MTCL2: variants seen among roughly 807,000 people sequenced by gnomAD.
The protein encoded by MTCL2 is microtubule cross-linking factor 2.
chr20:36,817,487 T>TAAA, the MTCL2 span: 1,021 of 1,331,122 alleles, frequency 7.7e-4, 2 homozygotes, highest in African/African-American at 0.015. Flanking sequence ...GAGATTTAAT[T>TAAA]AAAAAAAAAA....
the MTCL2 span, chr20:36,783,694 C>T: frequency 1.1e-6 from 1 of 903,800 alleles, no homozygotes; most frequent in African/African-American, 1.8e-5. Context: ...AGGGAATCCC[C>T]ACTGTGGGTC....
the MTCL2 span, among the ~76,000 whole-genome samples, chr20:36,820,943 T>G: frequency 1.3e-5 from 2 of 152,196 alleles, no homozygotes; most frequent in African/African-American, 4.8e-5. Flanking sequence ...TGGGTCAGGC[T>G]GAGGAGTAGA....
chr20:36,818,842 G>T, the MTCL2 span, among the ~76,000 whole-genome samples: 1 of 152,166 alleles, frequency 6.6e-6, no homozygotes, highest in African/African-American at 2.4e-5. Context: ...AGCATTAAAA[G>T]GCCAGCAGAC....
chr20:36,847,997 T>A, the MTCL2 span, among the ~76,000 whole-genome samples: 1 of 151,312 alleles, frequency 6.6e-6, no homozygotes, highest in African/African-American at 2.4e-5. Flanking sequence ...AAATAAAAAA[T>A]TTTAAAAACT....
the MTCL2 span, chr20:36,794,455 T>C: frequency 6.2e-7 from 1 of 1,614,060 alleles, no homozygotes; most frequent in Non-Finnish European, 8.5e-7. The surrounding 1 kb of genome is among the most constrained non-coding windows in gnomAD (Gnocchi z 5.4). Context: ...CCTTGGTGTC[T>C]TTCTCTGGAT....
At chr20:36,836,650 AATTT>A in the MTCL2 span, among the ~76,000 whole-genome samples, 35 of 151,972 alleles carry the variant, frequency 2.3e-4, no homozygotes, top group Non-Finnish European at 4.4e-4. Context: ...AGCCTCTGCT[AATTT>A]TTTTTATTTT....
chr20:36,860,896 C>G, the MTCL2 span, among the ~76,000 whole-genome samples: 2 of 152,090 alleles, frequency 1.3e-5, no homozygotes, highest in African/African-American at 4.8e-5. Context: ...CAGCTGGACC[C>G]CGGCCCCTGT....
At chr20:36,828,075 C>T in the MTCL2 span, among the ~76,000 whole-genome samples, 1 of 152,194 alleles carries the variant, frequency 6.6e-6, no homozygotes, top group Non-Finnish European at 1.5e-5. Flanking sequence ...GCAGGCTCGC[C>T]CTCGGGGGAG....
At chr20:36,819,372 C>T in the MTCL2 span, among the ~76,000 whole-genome samples, 3 of 152,138 alleles carry the variant, frequency 2.0e-5, no homozygotes, top group African/African-American at 7.2e-5. Context: ...CTCTCACACC[C>T]CATCCCTGAA....
the MTCL2 span, among the ~76,000 whole-genome samples, chr20:36,805,611 C>G: frequency 1.3e-5 from 2 of 152,204 alleles, no homozygotes; most frequent in Non-Finnish European, 2.9e-5. Context: ...TCCTTCAAAA[C>G]CCATCATCCA....
the MTCL2 span, chr20:36,812,812 C>G: frequency 6.2e-7 from 1 of 1,613,176 alleles, no homozygotes. Flanking sequence ...GGATCCTGGG[C>G]TCCCATTCCG....
At chr20:36,805,124 C>CT in the MTCL2 span, among the ~76,000 whole-genome samples, 1 of 152,180 alleles carries the variant, frequency 6.6e-6, no homozygotes, top group African/African-American at 2.4e-5. Flanking sequence ...CAAGAAAAAA[C>CT]CCTGCAGTTA....
chr20:36,827,007 A>G, the MTCL2 span, among the ~76,000 whole-genome samples: 2 of 150,036 alleles, frequency 1.3e-5, no homozygotes, highest in Non-Finnish European at 2.9e-5. Context: ...TAGGCTGCGT[A>G]CAGTTATCAT....
the MTCL2 span, chr20:36,816,397 G>C: frequency 9.0e-7 from 1 of 1,111,526 alleles, no homozygotes; most frequent in Non-Finnish European, 1.3e-6. Context: ...CTATGTGCTG[G>C]GAACACAGGG....
chr20:36,852,647 G>A, the MTCL2 span, among the ~76,000 whole-genome samples: 1 of 152,154 alleles, frequency 6.6e-6, no homozygotes, highest in African/African-American at 2.4e-5. Context: ...GTCCCTGGAG[G>A]GGATAGCACT....
the MTCL2 span, chr20:36,794,452 G>A: frequency 6.2e-7 from 1 of 1,613,906 alleles, no homozygotes; most frequent in Non-Finnish European, 8.5e-7. This position sits in a 1 kb window ranked among gnomAD's most constrained non-coding sequence, Gnocchi z 5.4. Flanking sequence ...TCTCCTTGGT[G>A]TCTTTCTCTG....
the MTCL2 span, chr20:36,785,694 C>T: frequency 1.0e-6 from 1 of 984,910 alleles, no homozygotes; most frequent in South Asian, 4.7e-5. Flanking sequence ...TTGAGACTGA[C>T]TCTACCTATT....
the MTCL2 span, among the ~76,000 whole-genome samples, chr20:36,861,505 A>C: frequency 6.6e-6 from 1 of 152,156 alleles, no homozygotes; most frequent in South Asian, 2.1e-4. Flanking sequence ...CCAACACTCT[A>C]ATGAGGGAGA....
At chr20:36,829,322 G>C in the MTCL2 span, 4 of 1,106,276 alleles carry the variant, frequency 3.6e-6, no homozygotes, top group Non-Finnish European at 5.0e-6. Flanking sequence ...AGACAGGCAG[G>C]TTCCTATCGC....
Sources: allele counts gnomAD v4.1 joint callset (sites outside exome capture counted in the v4.1 genomes callset), GRCh38; gene constraint gnomAD v4.1.1; non-coding constraint Gnocchi (gnomAD v3.1); transcripts MANE v1.5; gene names NCBI Gene and HGNC (gene_info 2026-07-23, HGNC 2026-07-21).